Variants in POTEJ observed in about 807,000 individuals in gnomAD.
POTEJ encodes POTE ankyrin domain family, member J.
In POTEJ, 11 loss-of-function variants were observed where a neutral mutation model predicts 69.0. That is an observed-to-expected ratio of 0.16 (90% CI 0.10 to 0.26). POTEJ has a LOEUF of 0.26. Ranked by LOEUF, POTEJ falls within the 10% of genes least tolerant of loss-of-function variation. POTEJ has a pLI of 1.00. For missense variants in POTEJ, 327 were observed against 1,045.5 expected, an observed-to-expected ratio of 0.31 and a Z score of 9.48; for synonymous variants, 117 against 381.1, an observed-to-expected ratio of 0.31 and a Z score of 8.07.
intron 10 of POTEJ, among the ~76,000 whole-genome samples, chr2:130,641,374 T>A (rs1488356960): frequency 6.7e-6 from 1 of 149,426 alleles, no homozygotes; most frequent in East Asian, 1.9e-4. Flanking sequence ...TTTACTATGT[T>A]GGCCTTCGTT....
chr2:130,625,332 T>C (rs1287444565), intron 6 of POTEJ, among the ~76,000 whole-genome samples: 2 of 152,032 alleles, frequency 1.3e-5, no homozygotes, highest in Non-Finnish European at 2.9e-5. Flanking sequence ...TAACCATTTT[T>C]CTAATGCTAT....
At chr2:130,650,115 GT>G (rs1686754027) in intron 13 of POTEJ, among the ~76,000 whole-genome samples, 2 of 152,392 alleles carry the variant, frequency 1.3e-5, no homozygotes, top group Admixed American at 1.3e-4. Context: ...GCTCTCTAAC[GT>G]AATTGAGGGA....
At chr2:130,641,613 T>A (rs1220374040) in intron 10 of POTEJ, among the ~76,000 whole-genome samples, 2 of 151,494 alleles carry the variant, frequency 1.3e-5, no homozygotes, top group African/African-American at 4.9e-5. Context: ...GGTTTCCAGA[T>A]TGTACACTAG....
intron 10 of POTEJ, among the ~76,000 whole-genome samples, chr2:130,640,054 T>G (rs1373312115): frequency 8.6e-5 from 13 of 150,460 alleles, no homozygotes; most frequent in Admixed American, 7.9e-4. Flanking sequence ...ACATATGTGA[T>G]GAGGAGTGAA....
rs749453939 is a variant in POTEJ at position 130,657,169 on chromosome 2, G to C, written c.2409G>C (p.Leu803=). 27 of 1,527,726 alleles carry C rather than the reference G, an allele frequency of 1.8e-5. 2 individuals are homozygous for C. In the South Asian group the frequency reaches 2.9e-4, roughly 16 times the overall value. The allele number at this position is 1,527,726 out of a possible 1,614,324, so 94.6% of individuals were successfully genotyped here. Residue 803 remains leucine (L), a synonymous_variant, in exon 15 of 15, where the codon CTG becomes CTC. Transcript: ENST00000409602. ...PAMYVAIQAM[L]SLYTSGRTTG... ...TGTACGTGGCCATCCAGGCCATGCT[G>C]TCCCTGTACACCTCTGGCCGTACTA...
intron 13 of POTEJ, among the ~76,000 whole-genome samples, chr2:130,649,939 G>C (rs1435370508): frequency 6.6e-6 from 1 of 151,456 alleles, no homozygotes; most frequent in African/African-American, 2.5e-5. Flanking sequence ...ACCCATTAAG[G>C]AATAACCACT....
chr2:130,629,344 C>T (rs1163092915), intron 6 of POTEJ, among the ~76,000 whole-genome samples: 166 of 149,060 alleles, frequency 1.1e-3, no homozygotes, highest in African/African-American at 3.9e-3. Context: ...GCAACCTCAG[C>T]GTAGCTTATG....
intron 9 of POTEJ, among the ~76,000 whole-genome samples, chr2:130,637,327 A>AT (rs1354794613): frequency 1.4e-5 from 2 of 147,244 alleles, no homozygotes; most frequent in South Asian, 2.1e-4. Flanking sequence ...ATTTTATTTT[A>AT]TTTTTTTGAG....
rs1038620066 is a variant in POTEJ, at chr2:130,656,971, C to A, written c.2211C>A (p.Gly737=). The A allele has an allele frequency of 2.5e-6, 4 of 1,590,184 alleles. No homozygotes were observed. The highest frequency in any genetic ancestry group is 1.1e-5 in the South Asian group (1 of 90,826). The change falls in exon 15 of 15, where the codon GGC becomes GGA. Residue 737 remains glycine, a synonymous_variant. Transcript: ENST00000409602. ...ILTLKYPMEH[G]IITNWDDMEK... ...CCCTGAAGTACCCCATGGAACACGG[C>A]ATCATCACCAACTGGGATGACATGG...
At chr2:130,640,650 G>C (rs1389507991) in intron 10 of POTEJ, among the ~76,000 whole-genome samples, 2 of 151,706 alleles carry the variant, frequency 1.3e-5, no homozygotes, top group Non-Finnish European at 2.9e-5. Context: ...CTTCACGTGT[G>C]TCTTTTAAAC....
chr2:130,614,175 A>C (rs927967496), intron 1 of POTEJ, among the ~76,000 whole-genome samples: 1 of 151,914 alleles, frequency 6.6e-6, no homozygotes, highest in African/African-American at 2.4e-5. Flanking sequence ...AAGAAAAAAA[A>C]AAAAAAAAGG....
intron 10 of POTEJ, among the ~76,000 whole-genome samples, chr2:130,642,920 T>C (rs1183643238): frequency 2.7e-5 from 4 of 150,758 alleles, no homozygotes; most frequent in Non-Finnish European, 4.4e-5. Context: ...TGCTTGGGCA[T>C]GTGTTCTAGA....
intron 11 of POTEJ, among the ~76,000 whole-genome samples, chr2:130,644,363 G>A (rs1325540317): frequency 1.2e-4 from 18 of 150,006 alleles, no homozygotes; most frequent in African/African-American, 2.7e-4. Context: ...CCAGCTACTC[G>A]GGAGGCTGAG....
rs1014916653 is a variant in POTEJ, at chr2:130,632,730, T to C, written c.1298+74T>C. 5.5e-6 allele frequency: 6 copies of C among 1,091,634 alleles called. 1 individual carries two copies. In the African/African-American group the frequency reaches 7.2e-5, roughly 13 times the overall value. The allele number at this position is 1,091,634 out of a possible 1,614,324, so 67.6% of individuals were successfully genotyped here. A position where few individuals can be genotyped will look rare whatever the true frequency, so the allele number is the denominator to read the frequency against. Reference sequence around the variant, plus strand: ...TAACCCTAGTTTGGGCTAATATTCATGATGAACAAATTTTATAGTTTTACT... The same window carrying C: ...TAACCCTAGTTTGGGCTAATATTCACGATGAACAAATTTTATAGTTTTACT... On this transcript the variant is annotated intron_variant, in intron 9 of 14. Transcript: ENST00000409602.
At chr2:130,639,342 T>C (rs1194678690) in intron 10 of POTEJ, among the ~76,000 whole-genome samples, 1 of 152,308 alleles carries the variant, frequency 6.6e-6, no homozygotes, top group Non-Finnish European at 1.5e-5. Flanking sequence ...CATATGCTTG[T>C]GCCAACAAGG....
At chr2:130,642,163 T>TC (rs1204724938) in intron 10 of POTEJ, among the ~76,000 whole-genome samples, 4 of 147,320 alleles carry the variant, frequency 2.7e-5, no homozygotes, top group East Asian at 1.9e-4. Flanking sequence ...CCAATCAGAA[T>TC]TTTTTAGCAG....
intron 10 of POTEJ, among the ~76,000 whole-genome samples, chr2:130,641,746 G>C (rs1686384730): frequency 6.6e-6 from 1 of 152,008 alleles, no homozygotes; most frequent in African/African-American, 2.4e-5. Flanking sequence ...TATTCGTGTA[G>C]GATATTTTGA....
chr2:130,657,463 G>T lies in POTEJ; in HGVS notation c.2703G>T (p.Lys901Asn), dbSNP rs771372778. The part of the protein sequence containing the change: ...AMVASSSSLE[K>N]SYELPDGQVI... ...TGGCCTCCAGCTCCTCCCTAGAGAA[G>T]AGCTACGAGCTGCCCGATGGCCAGG... Residue 901 changes from lysine (K) to asparagine (N), a missense_variant, in exon 15 of 15, where the codon AAG becomes AAT. Physicochemically the swap from Lys to Asn is moderately conservative, Grantham distance 94. Coordinates refer to ENST00000409602, the MANE Select transcript of POTEJ (RefSeq NM_001277083.2). 1.1e-5 allele frequency: 18 copies of T among 1,582,682 alleles called. 1 individual carries two copies. The highest frequency in any genetic ancestry group is 1.2e-5 in the Non-Finnish European group (14 of 1,157,626).
intron 6 of POTEJ, among the ~76,000 whole-genome samples, chr2:130,626,326 G>A (rs1685702712): frequency 6.6e-6 from 1 of 152,134 alleles, no homozygotes; most frequent in Non-Finnish European, 1.5e-5. Context: ...CTATTGATAG[G>A]GAGCCAACAA....
Sources: gnomAD v4.1 joint callset for allele counts (sites outside exome capture counted in the v4.1 genomes callset) on GRCh38, gnomAD v4.1.1 for gene constraint, MANE v1.5 for transcripts, NCBI Gene and HGNC (gene_info 2026-07-23, HGNC 2026-07-21) for gene names.